Variants in WWC1 observed in about 807,000 individuals in gnomAD.
WWC1 encodes the protein protein KIBRA.
Under a neutral mutation model 138.4 loss-of-function variants are expected in WWC1, and 55 were observed. The observed-to-expected ratio is 0.40, with a 90% CI of 0.32 to 0.50. The LOEUF (loss-of-function observed/expected upper bound fraction) is 0.50. WWC1 is among the 20% of genes least tolerant of loss of function. WWC1 has a pLI of 0.72. For missense variants in WWC1, 1,226 were observed against 1,420.4 expected (o/e 0.86, Z 2.20); for synonymous variants, 524 against 564.9 (o/e 0.93, Z 1.03).
chr5:168,432,126 A>T (rs911364086), intron 15 of WWC1, among the ~76,000 whole-genome samples: 2 of 151,860 alleles, frequency 1.3e-5, no homozygotes, highest in African/African-American at 4.8e-5. Context: ...CACTTGCTGT[A>T]TAGCTGGATG....
chr5:168,308,584 C>G (rs913922859), intron 1 of WWC1, among the ~76,000 whole-genome samples: 2 of 152,104 alleles, frequency 1.3e-5, no homozygotes, highest in African/African-American at 4.8e-5. Context: ...CATCTGTTGG[C>G]CACGTGCATC....
chr5:168,324,449 A>C (rs1360020506), intron 1 of WWC1, among the ~76,000 whole-genome samples: 2 of 152,136 alleles, frequency 1.3e-5, no homozygotes, highest in African/African-American at 4.8e-5. Context: ...AAAATAAATA[A>C]ATTTTTCAGG....
intron 1 of WWC1, among the ~76,000 whole-genome samples, chr5:168,336,627 C>A (rs1773491200): frequency 6.6e-6 from 1 of 150,914 alleles, no homozygotes; most frequent in Non-Finnish European, 1.5e-5. Flanking sequence ...CTCCTCAGGA[C>A]CCCGGCCAGG....
rs1421988201 is a variant in WWC1 at position 168,423,815 on chromosome 5, G to A, written c.1557G>A (p.Gln519=). The part of the protein sequence containing the change: ...TQKAEGGGRL[Q]ALRSLSGTPK... The stretch of plus-strand genomic sequence containing the variant: ...AGGCAGAGGGAGGTGGCCGCCTGCA[G>A]GCTCTGCGTTCCCTGTCTGGCACCC... Residue 519 remains glutamine, a synonymous_variant, in exon 11 of 23, where the codon CAG becomes CAA. Coordinates refer to ENST00000265293, the MANE Select transcript of WWC1 (RefSeq NM_015238.3). 6.2e-7 allele frequency: 1 copy of A among 1,614,050 alleles called. No individual in the cohort carries two copies. Among genetic ancestry groups the A allele is most frequent in the East Asian group, 2.2e-5 (1 of 44,882 alleles).
At position 168,292,714 on chromosome 5, in the gene WWC1, G is replaced by A. The variant is rs956111455; in HGVS notation, c.119+443G>A. 6.6e-6 allele frequency among the ~76,000 whole-genome samples: 1 copy of A among 152,142 alleles called. No individual in the cohort carries two copies. Among genetic ancestry groups the A allele is most frequent in the Non-Finnish European group, 1.5e-5 (1 of 68,026 alleles). ...GGATGGGGAAGTGTCCGGTTAGAGG[G>A]GGTGGTCAAGACCCCAGGATTCCGT... On this transcript the variant is annotated intron_variant, in intron 1 of 22. Coordinates refer to ENST00000265293, the MANE Select transcript of WWC1 (RefSeq NM_015238.3). This position sits in a 1 kb window ranked among gnomAD's most constrained non-coding sequence, Gnocchi z 4.4.
intron 13 of WWC1, among the ~76,000 whole-genome samples, chr5:168,429,512 G>C (rs550888275): frequency 6.6e-6 from 1 of 152,042 alleles, no homozygotes; most frequent in Non-Finnish European, 1.5e-5. Flanking sequence ...GCCCGCCTTG[G>C]CCTCCCAAAG....
chr5:168,321,482 C>T (rs1772075404), intron 1 of WWC1, among the ~76,000 whole-genome samples: 1 of 152,004 alleles, frequency 6.6e-6, no homozygotes, highest in South Asian at 2.1e-4. Context: ...CATTCTCCAA[C>T]TCCCTGAAGG....
At chr5:168,303,037 C>G (rs549663439) in intron 1 of WWC1, among the ~76,000 whole-genome samples, 3 of 152,166 alleles carry the variant, frequency 2.0e-5, no homozygotes, top group Non-Finnish European at 4.4e-5. Context: ...TCATACCAAC[C>G]AACTAATACA....
intron 1 of WWC1, among the ~76,000 whole-genome samples, chr5:168,320,181 C>G (rs976785195): frequency 2.6e-5 from 4 of 152,010 alleles, no homozygotes; most frequent in African/African-American, 9.7e-5. Flanking sequence ...ATTACAGGCG[C>G]CCGCCACCAT....
intron 1 of WWC1, among the ~76,000 whole-genome samples, chr5:168,369,398 T>A (rs62384062): frequency 2.0e-5 from 3 of 151,724 alleles, no homozygotes; most frequent in African/African-American, 7.3e-5. Context: ...GTTGTTGTTG[T>A]TGGTGGTGGT....
intron 1 of WWC1, among the ~76,000 whole-genome samples, chr5:168,300,146 A>AG (rs5873103): frequency 0.11 from 3,959 of 34,588 alleles, 175 homozygotes; most frequent in African/African-American, 0.4. Flanking sequence ...GTAGAACAGC[A>AG]AAGGTTCAGT....
chr5:168,448,043 T>C (rs1292554830), intron 17 of WWC1, among the ~76,000 whole-genome samples: 2 of 152,222 alleles, frequency 1.3e-5, no homozygotes, highest in Non-Finnish European at 2.9e-5. Flanking sequence ...AGCCATCTCC[T>C]AGCAACCGCC....
In WWC1 at chr5:168,326,295, G is replaced by T. The variant is rs906327142; in HGVS notation, c.119+34024G>T. ...TGCAATAGCGTGATCTCGGCTCACC[G>T]CAACCTCCGCCTCCCAGGTTCAAGC... On this transcript the variant is annotated intron_variant, in intron 1 of 22. Coordinates refer to ENST00000265293, the MANE Select transcript of WWC1 (RefSeq NM_015238.3). Among the ~76,000 whole-genome samples, 3 of 141,040 alleles carry T rather than the reference G, an allele frequency of 2.1e-5. No individual in the cohort carries two copies. The East Asian group carries it at 6.3e-4, about 30-fold the overall frequency. 92.5% of individuals were successfully genotyped at this position (141,040 alleles called of 152,430 possible). A position where few individuals can be genotyped will look rare whatever the true frequency, so the allele number is the denominator to read the frequency against.
intron 1 of WWC1, among the ~76,000 whole-genome samples, chr5:168,307,561 C>T (rs529064957): frequency 5.7e-4 from 87 of 151,378 alleles, no homozygotes; most frequent in Non-Finnish European, 1.2e-3. Context: ...ACCAAATGCC[C>T]TCATCTGTGG....
Position 168,425,587 on chromosome 5 carries a change from G to A in WWC1, c.1810+1519G>A, listed in dbSNP as rs1351714616. Among the ~76,000 whole-genome samples the A allele has an allele frequency of 3.3e-5, 5 of 151,668 alleles. No homozygotes were observed. In the South Asian group the frequency reaches 8.4e-4, roughly 25 times the overall value. ...GCTCACTGCAACCTCCACCTCCTGG[G>A]TTCAAGCGATTCTCCTGCGTCAGCC... On this transcript the variant is annotated intron_variant, in intron 11 of 22. Coordinates refer to ENST00000265293, the MANE Select transcript of WWC1 (RefSeq NM_015238.3).
chr5:168,421,257 A>G, intron 9 of WWC1, among the ~76,000 whole-genome samples: 1 of 152,178 alleles, frequency 6.6e-6, no homozygotes, highest in East Asian at 1.9e-4. Flanking sequence ...ATTGGCCAGA[A>G]CTTGGTCATA....
At chr5:168,309,898 G>A (rs555600836) in intron 1 of WWC1, among the ~76,000 whole-genome samples, 4 of 152,268 alleles carry the variant, frequency 2.6e-5, no homozygotes, top group African/African-American at 9.6e-5. Flanking sequence ...GTCTAGACAA[G>A]CACGACAAAC....
At chr5:168,345,052 GT>G (rs1371859859) in intron 1 of WWC1, among the ~76,000 whole-genome samples, 1 of 152,072 alleles carries the variant, frequency 6.6e-6, no homozygotes, top group Non-Finnish European at 1.5e-5. Flanking sequence ...AATATTGAAG[GT>G]TTTATCTGTT....
At chr5:168,427,927 C>T (rs886420574) in intron 11 of WWC1, 106 bp from the exon 12 acceptor site, 21 of 886,234 alleles carry the variant, frequency 2.4e-5, no homozygotes, top group Non-Finnish European at 3.5e-6. Context: ...TGCCACTGCA[C>T]TCCAGCCTGG....
Sources: gnomAD v4.1 joint callset for allele counts (sites outside exome capture counted in the v4.1 genomes callset) on GRCh38, gnomAD v4.1.1 for gene constraint, Gnocchi (gnomAD v3.1) non-coding constraint, MANE v1.5 for transcripts, NCBI Gene and HGNC (gene_info 2026-07-23, HGNC 2026-07-21) for gene names.